EMILIN2: variants seen among roughly 807,000 people sequenced by gnomAD.
EMILIN2 encodes EMILIN-2.
A neutral mutation model predicts 87.1 loss-of-function variants in EMILIN2; 71 were observed. The observed-to-expected ratio is 0.82, with a 90% CI of 0.67 to 0.99. The LOEUF is 0.99. Ranked by LOEUF, EMILIN2 falls within the 50% of genes least tolerant of loss-of-function variation. The pLI, the probability that EMILIN2 is intolerant of heterozygous loss-of-function variation, is 0.00. For synonymous variants in EMILIN2, 581 were observed against 563.4 expected (o/e 1.03, Z -0.44); for missense variants, 1,407 against 1,371.8 (o/e 1.03, Z -0.40).
In EMILIN2 at chr18:2,906,925, G is replaced by T; in HGVS notation, c.2502G>T (p.Arg834Ser). 2 of 1,395,856 alleles carry T rather than the reference G, an allele frequency of 1.4e-6. No individual in the cohort carries two copies. Among genetic ancestry groups the T allele is most frequent in the Non-Finnish European group, 9.3e-7 (1 of 1,072,362 alleles). 86.5% of individuals were successfully genotyped at this position (1,395,856 alleles called of 1,614,324 possible). A position where few individuals can be genotyped will look rare whatever the true frequency, so the allele number is the denominator to read the frequency against. The change falls in exon 5 of 8, where the codon AGG (arginine) becomes AGT (serine). Residue 834 changes from arginine (R) to serine (S), a missense_variant. Arg to Ser is a moderately radical substitution (Grantham distance 110). Coordinates refer to ENST00000254528, the MANE Select transcript of EMILIN2 (RefSeq NM_032048.3). ...TGCCCCAGCGGCCCCCCGAGGAGAG[G>T]CCGCCCCAGCCGCCAGGCTCCACCG... ...PVLPQRPPEE[R>S]PPQPPGSTGV...
chr18:2,884,149 G>C (rs926773163), intron 2 of EMILIN2, among the ~76,000 whole-genome samples: 2 of 152,218 alleles, frequency 1.3e-5, no homozygotes, highest in Non-Finnish European at 2.9e-5. Context: ...GTAGAGACGG[G>C]GTTTCACCGT....
intron 2 of EMILIN2, among the ~76,000 whole-genome samples, chr18:2,858,557 ATATATATATATATGTG>A (rs1568454049): frequency 1.1e-4 from 6 of 54,524 alleles, no homozygotes; most frequent in Admixed American, 9.6e-4. Flanking sequence ...ATATATATAT[ATATATATATATATGTG>A]TGTGTGTGTG....
chr18:2,858,599 A>ATGTGTGTG (rs368602236), intron 2 of EMILIN2, among the ~76,000 whole-genome samples: 2 of 110,090 alleles, frequency 1.8e-5, no homozygotes, highest in African/African-American at 1.1e-4. Context: ...ATATATATAT[A>ATGTGTGTG]TATGTGTATA....
intron 7 of EMILIN2, among the ~76,000 whole-genome samples, chr18:2,911,761 C>T (rs993803396): frequency 6.6e-6 from 1 of 152,178 alleles, no homozygotes; most frequent in Admixed American, 6.5e-5. Context: ...CCTATAGTCT[C>T]GCATTCCCAG....
At chr18:2,903,369 G>A (rs2076896734) in intron 4 of EMILIN2, among the ~76,000 whole-genome samples, 1 of 152,204 alleles carries the variant, frequency 6.6e-6, no homozygotes, top group African/African-American at 2.4e-5. Flanking sequence ...ATAAAAATAA[G>A]TAAAATAACA....
chr18:2,853,306 A>AC (rs1268811091), intron 2 of EMILIN2, among the ~76,000 whole-genome samples: 15 of 151,754 alleles, frequency 9.9e-5, no homozygotes, highest in East Asian at 5.8e-4. Context: ...AGATCCTGCC[A>AC]CCCCCCCAGC....
chr18:2,873,142 G>A (rs2143998355), intron 2 of EMILIN2, among the ~76,000 whole-genome samples: 1 of 152,302 alleles, frequency 6.6e-6, no homozygotes, highest in Middle Eastern at 3.4e-3. Context: ...CGGGCATGGT[G>A]GCTCATGCCT....
chr18:2,879,640 G>A (rs770627106), intron 2 of EMILIN2, among the ~76,000 whole-genome samples: 3 of 152,004 alleles, frequency 2.0e-5, no homozygotes, highest in East Asian at 2.0e-4. Context: ...CAGCCTGAGC[G>A]ACAGAGAGAG....
At chr18:2,869,786 T>TGTGTTTGTGTGTG in intron 2 of EMILIN2, among the ~76,000 whole-genome samples, 1 of 59,068 alleles carries the variant, frequency 1.7e-5, no homozygotes, top group African/African-American at 5.9e-5. Flanking sequence ...GTGTGTGTGT[T>TGTGTTTGTGTGTG]TGTGTGTGTG....
intron 2 of EMILIN2, among the ~76,000 whole-genome samples, chr18:2,857,189 T>A (rs1045295956): frequency 6.6e-6 from 1 of 152,232 alleles, no homozygotes; most frequent in Non-Finnish European, 1.5e-5. Flanking sequence ...TATTTTATTA[T>A]GTGTTTGGTT....
chr18:2,855,877 A>G (rs367700806), intron 2 of EMILIN2, among the ~76,000 whole-genome samples: 5 of 152,338 alleles, frequency 3.3e-5, no homozygotes, highest in African/African-American at 1.2e-4. Flanking sequence ...CATACCCAGC[A>G]GGCACGTCTG....
intron 5 of EMILIN2, 85 bp downstream of exon 5, chr18:2,907,170 G>GT: frequency 1.7e-6 from 2 of 1,206,486 alleles, no homozygotes; most frequent in Non-Finnish European, 2.1e-6. Context: ...GGGGCGTGGC[G>GT]GTTCGGGGTC....
At chr18:2,889,853 G>C (rs574133978) in intron 3 of EMILIN2, among the ~76,000 whole-genome samples, 1 of 152,010 alleles carries the variant, frequency 6.6e-6, no homozygotes, top group Non-Finnish European at 1.5e-5. Flanking sequence ...ATTCTTTGAC[G>C]TAGTGAATCT....
intron 2 of EMILIN2, among the ~76,000 whole-genome samples, chr18:2,868,813 G>T (rs2143988314): frequency 6.6e-6 from 1 of 152,308 alleles, no homozygotes; most frequent in African/African-American, 2.4e-5. Flanking sequence ...GGGAGAGGGA[G>T]ACCAATTCTT....
chr18:2,912,738 G>A (rs533343901), intron 7 of EMILIN2, among the ~76,000 whole-genome samples: 10 of 152,310 alleles, frequency 6.6e-5, no homozygotes, highest in African/African-American at 1.9e-4. Flanking sequence ...GGCAAGCTTC[G>A]TTTTTATTGG....
intron 2 of EMILIN2, among the ~76,000 whole-genome samples, chr18:2,863,755 G>A (rs1163807359): frequency 1.3e-5 from 2 of 152,186 alleles, no homozygotes; most frequent in Admixed American, 6.5e-5. Context: ...GCAGAGCTGA[G>A]TTCAATTCCT....
chr18:2,896,027 G>A (rs1365851372), intron 4 of EMILIN2, among the ~76,000 whole-genome samples: 1 of 152,142 alleles, frequency 6.6e-6, no homozygotes, highest in African/African-American at 2.4e-5. Context: ...ACTGAGGTGA[G>A]GCTGAATTAT....
intron 4 of EMILIN2, 135 bp from the exon 5 acceptor site, chr18:2,906,648 C>A: frequency 1.5e-6 from 1 of 679,998 alleles, no homozygotes; most frequent in Non-Finnish European, 2.0e-6. Flanking sequence ...GTCCCGCTGG[C>A]CTGACGTCGC....
rs895705313 is a variant in EMILIN2 at position 2,880,495 on chromosome 18, C to T, written c.258-4469C>T. Among the ~76,000 whole-genome samples the T allele has an allele frequency of 2.0e-5, 3 of 152,206 alleles. No homozygotes were observed. Among genetic ancestry groups the T allele is most frequent in the Non-Finnish European group, 4.4e-5 (3 of 68,020 alleles). On this transcript the variant is annotated intron_variant, in intron 2 of 7. Coordinates refer to ENST00000254528, the MANE Select transcript of EMILIN2 (RefSeq NM_032048.3). This position sits in a 1 kb window ranked among gnomAD's most constrained non-coding sequence, Gnocchi z 4.1. ...CAGGGTTACAGCCCCAAGGGCCGCC[C>T]CCGCCCATACCCAAGGCACCTGTGG...
Sources: allele counts gnomAD v4.1 joint callset (sites outside exome capture counted in the v4.1 genomes callset), GRCh38; gene constraint gnomAD v4.1.1; non-coding constraint Gnocchi (gnomAD v3.1); transcripts MANE v1.5; gene names NCBI Gene and HGNC (gene_info 2026-07-23, HGNC 2026-07-21).